Variants in HMGCLL1 observed in about 807,000 individuals in gnomAD.
HMGCLL1 encodes the protein 3-hydroxymethyl-3-methylglutaryl-CoA lyase, cytoplasmic.
Under a neutral mutation model 39.1 loss-of-function variants are expected in HMGCLL1, and 36 were observed. That is an observed-to-expected ratio of 0.92 (90% CI 0.71 to 1.22). The LOEUF is 1.22. HMGCLL1 is among the 50% of genes most tolerant of loss of function. The probability of loss-of-function intolerance (pLI) is 0.00; values close to 1 mark genes in which losing one functional copy is unlikely to be tolerated. For missense variants in HMGCLL1, 451 were observed against 416.5 expected, an observed-to-expected ratio of 1.08 and a Z score of -0.72; for synonymous variants, 149 against 144.0, an observed-to-expected ratio of 1.03 and a Z score of -0.25.
intron 7 of HMGCLL1, among the ~76,000 whole-genome samples, chr6:55,464,324 A>T (rs73746304): frequency 0.21 from 31,294 of 152,122 alleles, 4,085 homozygotes; most frequent in African/African-American, 0.38. Context: ...AAAAAGTGAA[A>T]GATGTAAAAA....
intron 7 of HMGCLL1, among the ~76,000 whole-genome samples, chr6:55,447,944 T>C (rs76963309): frequency 6.6e-6 from 1 of 152,180 alleles, no homozygotes; most frequent in Admixed American, 6.6e-5. Flanking sequence ...CATTGATTCA[T>C]TGAATCCATA....
At chr6:55,435,986 T>A (rs1581777028) in intron 8 of HMGCLL1, among the ~76,000 whole-genome samples, 2 of 152,112 alleles carry the variant, frequency 1.3e-5, no homozygotes, top group East Asian at 3.9e-4. Context: ...AATCTGACCC[T>A]TGTATAATAA....
intron 5 of HMGCLL1, among the ~76,000 whole-genome samples, chr6:55,507,472 T>C (rs9475327): frequency 0.68 from 102,334 of 151,492 alleles, 34,592 homozygotes; most frequent in Non-Finnish European, 0.7. Flanking sequence ...TGATCTGGGC[T>C]GGACACTTCA....
At chr6:55,468,296 G>A (rs374482125) in intron 7 of HMGCLL1, among the ~76,000 whole-genome samples, 1 of 151,972 alleles carries the variant, frequency 6.6e-6, no homozygotes, top group South Asian at 2.1e-4. Flanking sequence ...ATACAAACAC[G>A]TCCCATCATA....
At chr6:55,451,514 C>A (rs1190298442) in intron 7 of HMGCLL1, among the ~76,000 whole-genome samples, 2 of 152,042 alleles carry the variant, frequency 1.3e-5, no homozygotes, top group East Asian at 3.9e-4. Context: ...CGCGCCATTG[C>A]ACTCCTGCCT....
At chr6:55,570,887 C>T (rs1771445800) in intron 1 of HMGCLL1, among the ~76,000 whole-genome samples, 1 of 152,148 alleles carries the variant, frequency 6.6e-6, no homozygotes, top group Non-Finnish European at 1.5e-5. Context: ...CTAGGGAGGC[C>T]TCACAATCAT....
chr6:55,628,933 C>T, the HMGCLL1 span, among the ~76,000 whole-genome samples: 1 of 152,124 alleles, frequency 6.6e-6, no homozygotes, highest in Non-Finnish European at 1.5e-5. Context: ...CATTAAACCT[C>T]TTTCTTTTGT....
intron 8 of HMGCLL1, among the ~76,000 whole-genome samples, chr6:55,438,005 G>A (rs910772048): frequency 6.6e-5 from 10 of 152,014 alleles, no homozygotes; most frequent in Non-Finnish European, 1.3e-4. Context: ...GCTACTCAAT[G>A]TAGCAACCCT....
chr6:55,630,401 T>G, the HMGCLL1 span, among the ~76,000 whole-genome samples: 1 of 152,128 alleles, frequency 6.6e-6, no homozygotes, highest in Non-Finnish European at 1.5e-5. Context: ...TAACTTGCTT[T>G]TGACTTTACA....
At chr6:55,604,721 C>T in the HMGCLL1 span, among the ~76,000 whole-genome samples, 2 of 151,916 alleles carry the variant, frequency 1.3e-5, no homozygotes, top group African/African-American at 2.4e-5. Flanking sequence ...GGCAGAAAAC[C>T]CAAATCTACA....
chr6:55,649,233 G>C, the HMGCLL1 span, among the ~76,000 whole-genome samples: 1 of 152,010 alleles, frequency 6.6e-6, no homozygotes, highest in Non-Finnish European at 1.5e-5. Context: ...CTTTCAGATT[G>C]AAGAATTTCC....
At chr6:55,617,824 A>G in the HMGCLL1 span, among the ~76,000 whole-genome samples, 1 of 152,136 alleles carries the variant, frequency 6.6e-6, no homozygotes, top group Admixed American at 6.6e-5. Flanking sequence ...GAATATATGT[A>G]CAAGTAGGTC....
chr6:55,440,165 C>T (rs760910702), intron 7 of HMGCLL1, among the ~76,000 whole-genome samples: 18 of 152,114 alleles, frequency 1.2e-4, no homozygotes, highest in African/African-American at 3.9e-4. Flanking sequence ...CCAGCAGTAA[C>T]GCCAGCTTAC....
chr6:55,533,881 G>A (rs1452201510), intron 3 of HMGCLL1, among the ~76,000 whole-genome samples: 3 of 21,536 alleles, frequency 1.4e-4, no homozygotes, highest in Non-Finnish European at 4.1e-4. Context: ...GCGAGACTCC[G>A]TCTCAAAAAA....
the HMGCLL1 span, among the ~76,000 whole-genome samples, chr6:55,606,438 T>G: frequency 6.6e-6 from 1 of 152,162 alleles, no homozygotes; most frequent in Non-Finnish European, 1.5e-5. Context: ...GTGGCAGAGA[T>G]AAGATTTGAA....
At chr6:55,450,989 A>G (rs892106759) in intron 7 of HMGCLL1, among the ~76,000 whole-genome samples, 2 of 149,892 alleles carry the variant, frequency 1.3e-5, no homozygotes, top group Non-Finnish European at 3.0e-5. Flanking sequence ...AGAGTCATAC[A>G]AAGAGTTCAT....
chr6:55,621,639 A>C, the HMGCLL1 span, among the ~76,000 whole-genome samples: 1 of 151,918 alleles, frequency 6.6e-6, no homozygotes, highest in Non-Finnish European at 1.5e-5. Flanking sequence ...AAACAAGCTC[A>C]GTGCTCCGAC....
At chr6:55,528,192 A>G (rs1007862688) in intron 3 of HMGCLL1, among the ~76,000 whole-genome samples, 2 of 152,094 alleles carry the variant, frequency 1.3e-5, no homozygotes, top group Non-Finnish European at 2.9e-5. Flanking sequence ...TACAATCTCC[A>G]GTAGCTGGAT....
the HMGCLL1 span, among the ~76,000 whole-genome samples, chr6:55,635,451 A>G: frequency 4.6e-5 from 7 of 152,070 alleles, no homozygotes; most frequent in Non-Finnish European, 8.8e-5. Flanking sequence ...AAATTCTTTT[A>G]TTTTAATGGA....
Sources: allele counts gnomAD v4.1 joint callset (sites outside exome capture counted in the v4.1 genomes callset), GRCh38; gene constraint gnomAD v4.1.1; transcripts MANE v1.5; gene names NCBI Gene and HGNC (gene_info 2026-07-23, HGNC 2026-07-21).